THOC2: variants seen among roughly 807,000 people sequenced by gnomAD.
THOC2 encodes the protein THO complex subunit 2, also known as THO complex 2.
THOC2 carries 10 observed loss-of-function variants against 128.4 expected under a neutral mutation model. That is an observed-to-expected ratio of 0.08 (90% CI 0.05 to 0.13). The LOEUF is 0.13. Ranked by LOEUF, THOC2 falls within the 10% of genes least tolerant of loss-of-function variation. The pLI is 1.00. For missense variants in THOC2, 535 were observed against 1,155.7 expected, an observed-to-expected ratio of 0.46 and a Z score of 7.79; for synonymous variants, 393 against 396.9, an observed-to-expected ratio of 0.99 and a Z score of 0.12.
chrX:123,655,841 T>C (rs1745346779), intron 12 of THOC2, among the ~76,000 whole-genome samples: 1 of 111,244 alleles, frequency 9.0e-6, no homozygotes, highest in Non-Finnish European at 1.9e-5. Context: ...ACAAATTAAT[T>C]ACCATGGCAG....
At chrX:123,660,292 G>A (rs1051284587) in intron 12 of THOC2, among the ~76,000 whole-genome samples, 2 of 111,228 alleles carry the variant, frequency 1.8e-5, no homozygotes, top group Admixed American at 1.9e-4. Context: ...TTATGTACAG[G>A]ACTTCCATGA....
intron 12 of THOC2, among the ~76,000 whole-genome samples, chrX:123,663,794 C>T (rs1203849003): frequency 9.1e-6 from 1 of 110,492 alleles, no homozygotes; most frequent in African/African-American, 3.3e-5. Context: ...CAACAGGCCC[C>T]GGTGTGTGAA....
chrX:123,698,597 G>A (rs761721429), intron 4 of THOC2, among the ~76,000 whole-genome samples: 12 of 110,227 alleles, frequency 1.1e-4, no homozygotes, highest in African/African-American at 2.6e-4. Context: ...ATTTTTGGCC[G>A]GGTACAGTGG....
intron 27 of THOC2, 38 bp from the exon 28 acceptor site, chrX:123,624,009 A>G (rs1479042531): frequency 8.5e-7 from 1 of 1,177,407 alleles, no homozygotes; most frequent in African/African-American, 1.8e-5. Flanking sequence ...TTATAAAAGC[A>G]CAAGTATACA....
chrX:123,715,819 A>T (rs763347324), intron 1 of THOC2, among the ~76,000 whole-genome samples: 4 of 110,446 alleles, frequency 3.6e-5, no homozygotes, highest in Non-Finnish European at 5.7e-5. Flanking sequence ...AAATGAAAAA[A>T]ATCAATAAAA....
intron 12 of THOC2, among the ~76,000 whole-genome samples, chrX:123,656,784 T>C (rs181863200): frequency 9.1e-6 from 1 of 110,176 alleles, no homozygotes; most frequent in South Asian, 3.9e-4. Context: ...CGGAGGTGGG[T>C]AGATCATCTA....
chrX:123,634,568 C>T (rs1033900255), intron 19 of THOC2, among the ~76,000 whole-genome samples: 5 of 111,705 alleles, frequency 4.5e-5, no homozygotes, highest in African/African-American at 1.3e-4. Flanking sequence ...GTACATGTAA[C>T]GCTGATACAA....
At chrX:123,631,652 T>A (rs1193761175) in intron 22 of THOC2, 36 bp downstream of exon 22, 1 of 1,184,107 alleles carries the variant, frequency 8.4e-7, no homozygotes, top group Non-Finnish European at 1.1e-6. Flanking sequence ...ATAATTTGGA[T>A]CGTTCTTGAG....
intron 33 of THOC2, among the ~76,000 whole-genome samples, chrX:123,618,934 G>C (rs977282533): frequency 9.0e-6 from 1 of 111,657 alleles, no homozygotes; most frequent in African/African-American, 3.2e-5. Flanking sequence ...GATATATAAA[G>C]AATTTTTATA....
intron 18 of THOC2, among the ~76,000 whole-genome samples, chrX:123,636,772 G>C (rs936003299): frequency 8.0e-5 from 9 of 111,845 alleles, no homozygotes; most frequent in African/African-American, 2.6e-4. Context: ...ACAAGAGTAG[G>C]AGATTCAAGT....
At chrX:123,617,712 C>T in intron 33 of THOC2, among the ~76,000 whole-genome samples, 1 of 111,529 alleles carries the variant, frequency 9.0e-6, no homozygotes, top group Non-Finnish European at 1.9e-5. Flanking sequence ...GAGGAACCAT[C>T]ATCGATTAGA....
At chrX:123,701,327 T>G (rs886539409) in intron 4 of THOC2, among the ~76,000 whole-genome samples, 2 of 112,410 alleles carry the variant, frequency 1.8e-5, no homozygotes, top group African/African-American at 6.5e-5. Flanking sequence ...CTGCACTCAG[T>G]CTGGGCAACA....
chrX:123,683,096 A>G (rs772995258), intron 8 of THOC2, among the ~76,000 whole-genome samples: 1 of 111,486 alleles, frequency 9.0e-6, no homozygotes, highest in Non-Finnish European at 1.9e-5. Flanking sequence ...TAGATTTTGG[A>G]ATTTTTTTTC....
chrX:123,657,051 T>C (rs970774769), intron 12 of THOC2, among the ~76,000 whole-genome samples: 1 of 111,146 alleles, frequency 9.0e-6, no homozygotes, highest in African/African-American at 3.3e-5. Flanking sequence ...GATATGGAAA[T>C]TTTAAGAAAA....
chrX:123,712,373 A>G (rs1241748646), intron 2 of THOC2, among the ~76,000 whole-genome samples: 1 of 112,114 alleles, frequency 8.9e-6, no homozygotes, highest in Non-Finnish European at 1.9e-5. Flanking sequence ...TTAATAAATC[A>G]TATCTGTGAT....
At chrX:123,605,965 G>A (rs1422319876) in intron 38 of THOC2, among the ~76,000 whole-genome samples, 7 of 111,326 alleles carry the variant, frequency 6.3e-5, no homozygotes, top group Non-Finnish European at 1.3e-4. Context: ...TATTCTAAAG[G>A]GGGGCAGCAC....
intron 20 of THOC2, among the ~76,000 whole-genome samples, 194 bp downstream of exon 20, chrX:123,633,759 T>C (rs2047571520): frequency 8.9e-6 from 1 of 112,188 alleles, no homozygotes; most frequent in Non-Finnish European, 1.9e-5. Flanking sequence ...TTATACTTTG[T>C]TTCAGCTTTT....
intron 12 of THOC2, among the ~76,000 whole-genome samples, chrX:123,647,707 C>A: frequency 9.2e-6 from 1 of 108,503 alleles, no homozygotes; most frequent in Non-Finnish European, 1.9e-5. Context: ...TGGTGGCACT[C>A]GCCTGTAGTC....
rs776939509 is a variant in THOC2, at chrX:123,607,780, C to T, written c.*18+3138G>A. Among the ~76,000 whole-genome samples the T allele has an allele frequency of 5.4e-5, 6 of 110,632 alleles. No homozygotes were observed. In the South Asian group the frequency reaches 1.5e-3, roughly 28 times the overall value. On this transcript the variant is annotated intron_variant, in intron 38 of 38. Transcript: ENST00000245838. The stretch of plus-strand genomic sequence containing the variant: ...GAAATATGACATATGTAAGAGCTGT[C>T]CTTTCTATAGAATAGAAAATAAAAG...
Sources: allele counts gnomAD v4.1 joint callset (sites outside exome capture counted in the v4.1 genomes callset), GRCh38; gene constraint gnomAD v4.1.1; transcripts MANE v1.5; gene names NCBI Gene and HGNC (gene_info 2026-07-23, HGNC 2026-07-21).